The following CRB1 variants were observed in gnomAD, a reference collection of about 807,000 sequenced individuals.
The protein encoded by CRB1 is protein crumbs homolog 1.
Under a neutral mutation model 120.0 loss-of-function variants are expected in CRB1, and 83 were observed. That is an observed-to-expected ratio of 0.69 (90% CI 0.58 to 0.83). The LOEUF (loss-of-function observed/expected upper bound fraction) is 0.83. Among genes scored for constraint, CRB1 ranks in the 40% least tolerant of loss-of-function variants. The pLI, the probability that CRB1 is intolerant of heterozygous loss-of-function variation, is 0.00. For synonymous variants in CRB1, 625 were observed against 612.5 expected (o/e 1.02, Z -0.30); for missense variants, 1,699 against 1,687.6 (o/e 1.01, Z -0.12).
intron 1 of CRB1, among the ~76,000 whole-genome samples, chr1:197,310,726 T>C (rs1230927132): frequency 6.6e-6 from 1 of 152,178 alleles, no homozygotes; most frequent in African/African-American, 2.4e-5. Flanking sequence ...CTGGTTCACC[T>C]GATAACCATA....
the CRB1 span, among the ~76,000 whole-genome samples, chr1:197,224,432 A>C: frequency 6.6e-6 from 1 of 152,150 alleles, no homozygotes; most frequent in African/African-American, 2.4e-5. Context: ...CAAAATAGTC[A>C]CAGTTCCTTT....
intron 1 of CRB1, among the ~76,000 whole-genome samples, chr1:197,322,581 A>T (rs1222264391): frequency 6.6e-6 from 1 of 152,096 alleles, no homozygotes; most frequent in Non-Finnish European, 1.5e-5. Flanking sequence ...TTCGTTGTTA[A>T]CATGGTTACA....
At chr1:197,348,308 C>T (rs1345184893) in intron 4 of CRB1, among the ~76,000 whole-genome samples, 2 of 152,136 alleles carry the variant, frequency 1.3e-5, no homozygotes, top group African/African-American at 2.4e-5. Flanking sequence ...TTGCTGAAGA[C>T]ATTTCAGTGG....
intron 11 of CRB1, among the ~76,000 whole-genome samples, chr1:197,476,361 T>TG (rs1491185848): frequency 2.2e-4 from 28 of 128,844 alleles, no homozygotes; most frequent in African/African-American, 7.7e-4. Context: ...ATTATGATTA[T>TG]TTGTGTGTGT....
chr1:197,244,305 G>A, the CRB1 span, among the ~76,000 whole-genome samples: 1 of 152,060 alleles, frequency 6.6e-6, no homozygotes, highest in Non-Finnish European at 1.5e-5. Context: ...TTTTGCAGTG[G>A]CTGGTATGGG....
chr1:197,327,000 C>T (rs1274560883), intron 1 of CRB1, among the ~76,000 whole-genome samples: 1 of 148,480 alleles, frequency 6.7e-6, no homozygotes, highest in Non-Finnish European at 1.5e-5. Flanking sequence ...AACTATTTCT[C>T]AACATCTTAT....
rs150584861 is a variant in CRB1, at chr1:197,341,251, G to T, written c.653-3030G>T. ...GAAGACATTCTAGACGGTATCAGGAGGATGATCTGGGCCAGACGCAGTGGC... is the reference window on the plus strand; with the variant it reads ...GAAGACATTCTAGACGGTATCAGGATGATGATCTGGGCCAGACGCAGTGGC... On this transcript the variant is annotated intron_variant, in intron 2 of 11. Transcript: ENST00000367400. Among the ~76,000 whole-genome samples the T allele has an allele frequency of 3.0e-3, 459 of 152,218 alleles. 1 individual carries two copies. Among genetic ancestry groups the T allele is most frequent in the African/African-American group, 0.01 (429 of 41,552 alleles).
intron 11 of CRB1, among the ~76,000 whole-genome samples, chr1:197,451,140 T>C (rs909372123): frequency 6.6e-6 from 1 of 152,306 alleles, no homozygotes; most frequent in African/African-American, 2.4e-5. Context: ...AGAATCTGAA[T>C]GACCGTATTT....
chr1:197,244,419 A>AT, the CRB1 span, among the ~76,000 whole-genome samples: 26 of 150,912 alleles, frequency 1.7e-4, no homozygotes, highest in Middle Eastern at 3.4e-3. Context: ...TCCTTAAAAT[A>AT]TTTTTTTTTC....
At chr1:197,247,910 A>G in the CRB1 span, among the ~76,000 whole-genome samples, 1 of 152,160 alleles carries the variant, frequency 6.6e-6, no homozygotes, top group South Asian at 2.1e-4. Flanking sequence ...TTGACCATGA[A>G]TAGGTGCTTT....
At chr1:197,275,307 A>G (rs911456918) in intron 1 of CRB1, among the ~76,000 whole-genome samples, 3 of 152,052 alleles carry the variant, frequency 2.0e-5, no homozygotes, top group Non-Finnish European at 4.4e-5. Context: ...AACCTATAAC[A>G]TCTACTATGA....
rs1665101012 is a variant in CRB1, at chr1:197,435,375, G to A, written c.3512G>A (p.Gly1171Glu). Residue 1171 changes from glycine (G) to glutamate (E), a missense_variant, in exon 9 of 12, where the codon GGG becomes GAG. Gly to Glu is a moderately conservative substitution (Grantham distance 98, BLOSUM62 -2). Transcript: ENST00000367400. ...YHCSCPLGWS[G>E]KHCELNIDEC... The stretch of plus-strand genomic sequence containing the variant: ...TGCTCCTGTCCCTTGGGATGGTCAG[G>A]GAAACACTGTGAACTCAACATCGAT... 1.2e-6 allele frequency: 2 copies of A among 1,611,314 alleles called. No homozygotes were observed. Among genetic ancestry groups the A allele is most frequent in the Non-Finnish European group, 1.7e-6 (2 of 1,178,406 alleles).
chr1:197,261,587 T>A, the CRB1 span, among the ~76,000 whole-genome samples: 1 of 152,206 alleles, frequency 6.6e-6, no homozygotes, highest in Non-Finnish European at 1.5e-5. Context: ...TTTATGTATT[T>A]ATCAAACTGT....
chr1:197,360,937 ACTC>A (rs1660737521), intron 5 of CRB1, among the ~76,000 whole-genome samples: 1 of 152,108 alleles, frequency 6.6e-6, no homozygotes, highest in Admixed American at 6.5e-5. Flanking sequence ...GTTCCTCTCT[ACTC>A]CTAACTTGCT....
At chr1:197,309,019 G>A (rs983659208) in intron 1 of CRB1, among the ~76,000 whole-genome samples, 4 of 150,778 alleles carry the variant, frequency 2.7e-5, no homozygotes, top group Non-Finnish European at 5.9e-5. Context: ...CAGTATATAT[G>A]TATATACACA....
chr1:197,442,660 G>A, intron 11 of CRB1: 1 of 728,590 alleles, frequency 1.4e-6, no homozygotes, highest in African/African-American at 1.8e-5. Context: ...CTTATTGTGT[G>A]TATTTAGTAC....
At chr1:197,398,126 C>T (rs1277104379) in intron 5 of CRB1, among the ~76,000 whole-genome samples, 3 of 152,150 alleles carry the variant, frequency 2.0e-5, no homozygotes, top group Non-Finnish European at 4.4e-5. Context: ...AATTCATCCT[C>T]AGTTCTTCTT....
intron 5 of CRB1, among the ~76,000 whole-genome samples, chr1:197,377,479 C>G (rs1661710020): frequency 1.3e-5 from 2 of 152,178 alleles, no homozygotes; most frequent in South Asian, 4.1e-4. Context: ...CAGCTAAAAA[C>G]TTTAATAAAC....
chr1:197,220,515 A>T, the CRB1 span, among the ~76,000 whole-genome samples: 1 of 152,206 alleles, frequency 6.6e-6, no homozygotes, highest in East Asian at 1.9e-4. Context: ...GTGTCAGACC[A>T]TGGGCTACAA....
Sources: allele counts gnomAD v4.1 joint callset (sites outside exome capture counted in the v4.1 genomes callset), GRCh38; gene constraint gnomAD v4.1.1; transcripts MANE v1.5; gene names NCBI Gene and HGNC (gene_info 2026-07-23, HGNC 2026-07-21).